DNTT: variants seen among roughly 807,000 people sequenced by gnomAD.
The protein encoded by DNTT is nucleosidetriphosphate:DNA deoxynucleotidylexotransferase.
In DNTT, 47 loss-of-function variants were observed where a neutral mutation model predicts 60.9. The ratio of observed to expected loss-of-function variants is 0.77; its 90% CI spans 0.61 to 0.98. The LOEUF (loss-of-function observed/expected upper bound fraction) is 0.98. DNTT is among the 50% of genes least tolerant of loss of function. The pLI, the probability that DNTT is intolerant of heterozygous loss-of-function variation, is 0.00. For missense variants in DNTT, 665 were observed against 627.5 expected (o/e 1.06, Z -0.64); for synonymous variants, 224 against 221.2 (o/e 1.01, Z -0.11).
At chr10:96,308,035 C>T (rs2133982227) in intron 1 of DNTT, among the ~76,000 whole-genome samples, 1 of 152,096 alleles carries the variant, frequency 6.6e-6, no homozygotes, top group South Asian at 2.1e-4. Context: ...AGCCACCGTG[C>T]CCAGGCTACA....
chr10:96,305,194 G>A (rs1234945190), intron 1 of DNTT, among the ~76,000 whole-genome samples: 1 of 152,204 alleles, frequency 6.6e-6, no homozygotes, highest in Non-Finnish European at 1.5e-5. Flanking sequence ...GCACCCAGAT[G>A]TGGCCTTGAC....
chr10:96,332,755 G>C (rs973462289), intron 9 of DNTT, among the ~76,000 whole-genome samples, 159 bp downstream of exon 9: 2 of 152,172 alleles, frequency 1.3e-5, no homozygotes, highest in Non-Finnish European at 2.9e-5. Context: ...GTCCACACAT[G>C]GCCAAGTATG....
intron 5 of DNTT, among the ~76,000 whole-genome samples, chr10:96,323,189 C>T (rs1486052407): frequency 6.6e-6 from 1 of 152,148 alleles, no homozygotes; most frequent in Non-Finnish European, 1.5e-5. Context: ...ATTCCAGCTA[C>T]TTGGGAGATT....
intron 8 of DNTT, among the ~76,000 whole-genome samples, chr10:96,329,064 G>T (rs780993254): frequency 3.9e-5 from 6 of 152,196 alleles, no homozygotes; most frequent in Non-Finnish European, 7.3e-5. Flanking sequence ...TTGCCAACAG[G>T]GCCAAGGGTG....
intron 3 of DNTT, among the ~76,000 whole-genome samples, 167 bp downstream of exon 3, chr10:96,319,557 C>A (rs550077869): frequency 3.9e-5 from 6 of 152,274 alleles, no homozygotes; most frequent in Non-Finnish European, 8.8e-5. Flanking sequence ...TTCTTTCTAT[C>A]GAGACTGGGT....
chr10:96,321,812 T>C (rs1260012568), intron 4 of DNTT, among the ~76,000 whole-genome samples: 1 of 152,180 alleles, frequency 6.6e-6, no homozygotes, highest in Non-Finnish European at 1.5e-5. Flanking sequence ...TGCTCATGCC[T>C]GACTAGCTAC....
chr10:96,319,328 AAGATCTCCC>A lies in DNTT; in HGVS notation c.448_456del (p.Ile150_Gln152del), dbSNP rs1254584324. 6.2e-7 allele frequency: 1 copy of A among 1,613,794 alleles called. No individual in the cohort carries two copies. The highest frequency in any genetic ancestry group is 8.5e-7 in the Non-Finnish European group (1 of 1,179,826). ...GAAGACTCCACCAATTGCTGTACAA[AAGATCTCCC>A]AGTATGCGTGTCAGAGAAGAACCAC... is the stretch of plus-strand genomic sequence containing the variant. On this transcript the variant is annotated inframe_deletion, in exon 3 of 11. Coordinates refer to ENST00000371174, the MANE Select transcript of DNTT (RefSeq NM_004088.4).
intron 9 of DNTT, among the ~76,000 whole-genome samples, chr10:96,335,540 C>T (rs12258909): frequency 0.15 from 22,068 of 152,184 alleles, 4,396 homozygotes; most frequent in African/African-American, 0.45. Flanking sequence ...ACCCACCAAA[C>T]TAGTATTTAT....
chr10:96,321,599 C>G (rs1844880590), intron 4 of DNTT, among the ~76,000 whole-genome samples: 2 of 152,130 alleles, frequency 1.3e-5, no homozygotes, highest in South Asian at 2.1e-4. Context: ...GTGTTTTTAT[C>G]TATTGGGAAA....
chr10:96,321,196 G>T (rs1378571984), intron 4 of DNTT, among the ~76,000 whole-genome samples: 1 of 152,148 alleles, frequency 6.6e-6, no homozygotes, highest in Non-Finnish European at 1.5e-5. Context: ...TTCAGAGCAG[G>T]AGTGGAAGTT....
rs747805933 is a variant in DNTT, at chr10:96,304,651, C to G, written c.154C>G (p.Leu52Val). ...KKMGTTRRAF[L>V]MELARRKGFR... ...AATGGGAACCACCCGCAGAGCGTTC[C>G]TCATGGAGCTGGCCCGCAGGAAAGG... Residue 52 changes from leucine to valine, a missense_variant, in exon 1 of 11, where the codon CTC becomes GTC. Physicochemically the swap from Leu to Val is conservative, Grantham distance 32. Transcript: ENST00000371174. The G allele has an allele frequency of 6.2e-7, 1 of 1,614,118 alleles. No individual in the cohort carries two copies.
At chr10:96,327,351 G>C in intron 6 of DNTT, 117 bp from the exon 7 acceptor site, 1 of 1,436,922 alleles carries the variant, frequency 7.0e-7, no homozygotes, top group Non-Finnish European at 9.8e-7. Context: ...ATGGAGTTTG[G>C]TGTTGATGCC....
chr10:96,320,488 C>A, intron 3 of DNTT, 130 bp from the exon 4 acceptor site: 1 of 1,018,706 alleles, frequency 9.8e-7, no homozygotes, highest in Non-Finnish European at 1.4e-6. Context: ...ATGGGAGACC[C>A]CATCCTGACC....
chr10:96,337,772 T>A (rs1342043142), intron 10 of DNTT, among the ~76,000 whole-genome samples: 1 of 152,220 alleles, frequency 6.6e-6, no homozygotes, highest in East Asian at 1.9e-4. Flanking sequence ...ATAGATTGAT[T>A]ATAAGATCTC....
chr10:96,324,355 CA>C lies in DNTT; in HGVS notation c.844del (p.Ser282AlafsTer2), dbSNP rs1429088518. The C allele has an allele frequency of 1.9e-6, 3 of 1,613,824 alleles. No individual in the cohort carries two copies. The highest frequency in any genetic ancestry group is 1.7e-5 in the Admixed American group (1 of 60,010). The part of the protein sequence containing the change: ...FRTLSKVRSD[K>X]SLKFTRMQKA... The stretch of plus-strand genomic sequence containing the variant: ...GAACTCTGAGTAAAGTAAGGTCGGA[CA>C]AAAGCCTGAAATTTACACGAATGCA... On this transcript the variant is annotated frameshift_variant, in exon 6 of 11. Coordinates refer to ENST00000371174, the MANE Select transcript of DNTT (RefSeq NM_004088.4). LOFTEE classifies it high-confidence loss of function.
chr10:96,332,696 G>T, intron 9 of DNTT, 100 bp downstream of exon 9: 3 of 1,535,398 alleles, frequency 2.0e-6, no homozygotes, highest in Non-Finnish European at 2.6e-6. Flanking sequence ...CAGGGGCTGG[G>T]TGACAGGGGA....
At position 96,327,554 on chromosome 10, in the gene DNTT, G is replaced by A. The variant is rs865861820; in HGVS notation, c.961G>A (p.Ala321Thr). ...VSVLVKEAVW[A>T]FLPDAFVTMT... ...TGTGCTGGTTAAAGAGGCTGTCTGG[G>A]CATTTCTTCCGGATGCTTTCGTCAC... is the stretch of plus-strand genomic sequence containing the variant. Residue 321 changes from alanine (A) to threonine (T), a missense_variant, in exon 7 of 11, where the codon GCA becomes ACA. Transcript: ENST00000371174. The A allele has an allele frequency of 3.1e-6, 5 of 1,614,044 alleles. No homozygotes were observed. The highest frequency in any genetic ancestry group is 1.7e-5 in the Admixed American group (1 of 60,024).
In DNTT at chr10:96,335,983, C is replaced by G. The variant is rs1338491340; in HGVS notation, c.1443+9C>G. The G allele has an allele frequency of 2.5e-6, 4 of 1,613,954 alleles. No homozygotes were observed. The Admixed American group carries it at 6.7e-5, about 27-fold the overall frequency. On this transcript the variant is annotated intron_variant, in intron 10 of 10. Transcript: ENST00000371174. ...TATATGACAAGACCAAGGTACAGTT[C>G]TCTTCCTAAAAGGGGCTACTTTGAT...
chr10:96,318,446 G>A lies in DNTT; in HGVS notation c.298G>A (p.Glu100Lys). 6.2e-7 allele frequency: 1 copy of A among 1,613,978 alleles called. No individual in the cohort carries two copies. The highest frequency in any genetic ancestry group is 1.1e-5 in the South Asian group (1 of 91,072). The change falls in exon 2 of 11, where the codon GAG becomes AAG. Residue 100 changes from glutamate (E) to lysine (K), a missense_variant. Coordinates refer to ENST00000371174, the MANE Select transcript of DNTT (RefSeq NM_004088.4). ...AQKVQVSSQP[E>K]LLDVSWLIEC... Reference sequence around the variant, plus strand: ...GAAAGTACAAGTCAGCTCACAACCAGAGCTCCTCGATGTCTCCTGGCTGAT... The same window carrying A: ...GAAAGTACAAGTCAGCTCACAACCAAAGCTCCTCGATGTCTCCTGGCTGAT...
Sources: allele counts gnomAD v4.1 joint callset (sites outside exome capture counted in the v4.1 genomes callset), GRCh38; gene constraint gnomAD v4.1.1; transcripts MANE v1.5; gene names NCBI Gene and HGNC (gene_info 2026-07-23, HGNC 2026-07-21).